Variants in RMND1 observed in about 807,000 individuals in gnomAD.
The protein encoded by RMND1 is required for meiotic nuclear division protein 1 homolog.
In RMND1, 41 loss-of-function variants were observed where a neutral mutation model predicts 54.0. The ratio of observed to expected loss-of-function variants is 0.76; its 90% confidence interval spans 0.59 to 0.98. The LOEUF (loss-of-function observed/expected upper bound fraction) is 0.98. Ranked by LOEUF, RMND1 falls within the 50% of genes least tolerant of loss-of-function variation. RMND1 has a pLI of 0.00. For synonymous variants in RMND1, 183 were observed against 181.7 expected (o/e 1.01, Z -0.06); for missense variants, 457 against 532.0 (o/e 0.86, Z 1.39).
chr6:151,407,866 G>A lies in RMND1; in HGVS notation c.1201-2030C>T, dbSNP rs374167467. ...GTGGAGCTTGCAGTGAGCCAAGATCGCGCCACTGCACTCCAGCCTGGGCGA... is the reference window on the plus strand; with the variant it reads ...GTGGAGCTTGCAGTGAGCCAAGATCACGCCACTGCACTCCAGCCTGGGCGA... On this transcript the variant is annotated intron_variant, in intron 10 of 11. Transcript: ENST00000444024. 4.3e-4 allele frequency among the ~76,000 whole-genome samples: 65 copies of A among 151,750 alleles called. 1 individual carries two copies. In the East Asian group the frequency reaches 0.011, roughly 26 times the overall value.
At chr6:151,450,345 C>T (rs1781111176) in intron 1 of RMND1, among the ~76,000 whole-genome samples, 1 of 149,124 alleles carries the variant, frequency 6.7e-6, no homozygotes, top group Non-Finnish European at 1.5e-5. Context: ...GCCACCCCAT[C>T]CGGGAGGGAG....
chr6:151,413,370 G>T (rs1450383851), intron 10 of RMND1, among the ~76,000 whole-genome samples: 1 of 152,156 alleles, frequency 6.6e-6, no homozygotes, highest in Non-Finnish European at 1.5e-5. Flanking sequence ...TCATGCCTCA[G>T]CCTCCAGAGT....
At chr6:151,418,192 T>C (rs1409589281) in intron 9 of RMND1, among the ~76,000 whole-genome samples, 3 of 152,104 alleles carry the variant, frequency 2.0e-5, no homozygotes, top group African/African-American at 4.8e-5. Flanking sequence ...GGCGGGCAGA[T>C]TGCTCGAGTC....
chr6:151,423,275 A>G (rs560353482), intron 7 of RMND1, among the ~76,000 whole-genome samples: 2 of 152,316 alleles, frequency 1.3e-5, no homozygotes, highest in East Asian at 1.9e-4. Flanking sequence ...AACAAAGGCT[A>G]ATATAATCAT....
intron 10 of RMND1, among the ~76,000 whole-genome samples, chr6:151,406,255 A>C (rs1336182414): frequency 6.6e-6 from 1 of 152,184 alleles, no homozygotes; most frequent in Non-Finnish European, 1.5e-5. Flanking sequence ...CTTTCAACTG[A>C]ACTGCAACAG....
intron 10 of RMND1, among the ~76,000 whole-genome samples, chr6:151,415,130 C>T (rs1438824044): frequency 6.6e-6 from 1 of 151,462 alleles, no homozygotes; most frequent in Non-Finnish European, 1.5e-5. Flanking sequence ...GCACATACAA[C>T]AGACTTTGCT....
At chr6:151,432,899 C>T (rs1399850273) in intron 4 of RMND1, among the ~76,000 whole-genome samples, 2 of 151,996 alleles carry the variant, frequency 1.3e-5, no homozygotes, top group Non-Finnish European at 2.9e-5. Context: ...CATGAAAATC[C>T]GAATTTACAA....
At position 151,445,748 on chromosome 6, in the gene RMND1, A is replaced by C. The variant is rs1461615288; in HGVS notation, c.64T>G (p.Cys22Gly). 6.2e-7 allele frequency: 1 copy of C among 1,613,950 alleles called. No homozygotes were observed. The highest frequency in any genetic ancestry group is 1.1e-5 in the South Asian group (1 of 91,086). Residue 22 changes from cysteine to glycine, a missense_variant, in exon 2 of 12, where the codon TGC (cysteine) becomes GGC (glycine). Physicochemically the swap from Cys to Gly is radical, Grantham distance 159. Coordinates refer to ENST00000444024, the MANE Select transcript of RMND1 (RefSeq NM_017909.4). ...AACATTAGATGACCGATTCTTCGGCACTGATGTGCTTTTGATAATATATGA... is the reference window on the plus strand; with the variant it reads ...AACATTAGATGACCGATTCTTCGGCCCTGATGTGCTTTTGATAATATATGA... ...SHHILSKAHQCRRIGHLMLKP... is the reference protein window; with the variant it reads ...SHHILSKAHQGRRIGHLMLKP...
intron 1 of RMND1, among the ~76,000 whole-genome samples, chr6:151,447,898 C>A (rs1441264422): frequency 1.3e-5 from 2 of 151,060 alleles, no homozygotes; most frequent in East Asian, 3.9e-4. Context: ...ACTGCAACCT[C>A]CGCCTCCCCG....
At chr6:151,417,680 T>C (rs1780044580) in intron 9 of RMND1, among the ~76,000 whole-genome samples, 1 of 151,978 alleles carries the variant, frequency 6.6e-6, no homozygotes, top group African/African-American at 2.4e-5. Context: ...ATGCTGACCT[T>C]TGCAAAATAC....
chr6:151,409,365 GAA>G (rs918105964), intron 10 of RMND1, among the ~76,000 whole-genome samples: 4 of 152,160 alleles, frequency 2.6e-5, no homozygotes, highest in Admixed American at 2.6e-4. Context: ...AGGTGAAGGA[GAA>G]AAAGGACACC....
intron 10 of RMND1, among the ~76,000 whole-genome samples, chr6:151,406,666 T>TA (rs1562780464): frequency 6.6e-6 from 1 of 152,110 alleles, no homozygotes; most frequent in African/African-American, 2.4e-5. Context: ...TGATAACTGT[T>TA]AAATACCTAC....
Position 151,427,505 on chromosome 6 carries a change from T to C in RMND1, c.807A>G (p.Glu269=). ...YEIALVHWEN[E]ELNYIKIEGQ... Reference sequence around the variant, plus strand: ...ACTCTATTTTTATGTAGTTAAGTTCTTCATTTTCCCAGTGTACCAGTGCGA... The same window carrying C: ...ACTCTATTTTTATGTAGTTAAGTTCCTCATTTTCCCAGTGTACCAGTGCGA... The change falls in exon 6 of 12, where the codon GAA becomes GAG. Residue 269 remains glutamate (E), a synonymous_variant. Transcript: ENST00000444024. The C allele has an allele frequency of 6.2e-7, 1 of 1,610,182 alleles. No individual in the cohort carries two copies.
chr6:151,407,951 ATTTAT>A (rs1779685990), intron 10 of RMND1, among the ~76,000 whole-genome samples: 8 of 151,860 alleles, frequency 5.3e-5, no homozygotes, highest in African/African-American at 1.9e-4. Context: ...CATGCTTTCT[ATTTAT>A]TTAGGTATAG....
Position 151,445,374 on chromosome 6 carries a change from T to G in RMND1, c.438A>C (p.Arg146Ser), listed in dbSNP as rs765504348. Reference protein sequence around the residue: ...VPKQDFPQVKRPLKASRTRQP... With the variant: ...VPKQDFPQVKSPLKASRTRQP... Reference sequence around the variant, plus strand: ...GTCTGGTCCTGGATGCTTTTAGTGGTCTCTTCACCTGTGGGAAGTCTTGTT... The same window carrying G: ...GTCTGGTCCTGGATGCTTTTAGTGGGCTCTTCACCTGTGGGAAGTCTTGTT... Residue 146 changes from arginine (R) to serine (S), a missense_variant, in exon 2 of 12, where the codon AGA becomes AGC. Physicochemically the swap from Arg to Ser is moderately radical, Grantham distance 110. Transcript: ENST00000444024. The G allele has an allele frequency of 6.2e-7, 1 of 1,613,878 alleles. No individual in the cohort carries two copies. Among genetic ancestry groups the G allele is most frequent in the Non-Finnish European group, 8.5e-7 (1 of 1,179,878 alleles).
At chr6:151,445,237 G>T in intron 2 of RMND1, 71 bp downstream of exon 2, 1 of 1,490,588 alleles carries the variant, frequency 6.7e-7, no homozygotes, top group Non-Finnish European at 9.0e-7. Flanking sequence ...GTAAGGCTGG[G>T]GTGCAACGCA....
chr6:151,430,065 C>G (rs1780410405), intron 5 of RMND1, 73 bp downstream of exon 5: 11 of 900,826 alleles, frequency 1.2e-5, no homozygotes, highest in Non-Finnish European at 2.0e-5. Flanking sequence ...TCTAATGTTT[C>G]AGTATGTGCT....
intron 10 of RMND1, 46 bp from the exon 11 acceptor site, chr6:151,405,882 C>CAT: frequency 1.0e-6 from 1 of 963,828 alleles, no homozygotes. Context: ...CAATTTAATA[C>CAT]GGTCATACAC....
chr6:151,437,061 G>A (rs1033775511), intron 2 of RMND1, among the ~76,000 whole-genome samples: 2 of 152,230 alleles, frequency 1.3e-5, no homozygotes, highest in Non-Finnish European at 2.9e-5. Context: ...AAAAAGGTCT[G>A]TAAATCTGAG....
Sources: allele counts gnomAD v4.1 joint callset (sites outside exome capture counted in the v4.1 genomes callset), GRCh38; gene constraint gnomAD v4.1.1; transcripts MANE v1.5; gene names NCBI Gene and HGNC (gene_info 2026-07-23, HGNC 2026-07-21).